The following CYP46A1 variants were observed in gnomAD, a reference collection of about 807,000 sequenced individuals.
CYP46A1 encodes the protein cholesterol 24-hydroxylase.
A neutral mutation model predicts 63.3 loss-of-function variants in CYP46A1; 20 were observed. That is an observed-to-expected ratio of 0.32 (90% CI 0.22 to 0.46). The LOEUF (loss-of-function observed/expected upper bound fraction) is 0.46. Among genes scored for constraint, CYP46A1 ranks in the 20% least tolerant of loss-of-function variants. The probability of loss-of-function intolerance (pLI) is 1.00; values close to 1 mark genes in which losing one functional copy is unlikely to be tolerated. For missense variants in CYP46A1, 445 were observed against 670.8 expected, an observed-to-expected ratio of 0.66 and a Z score of 3.72; for synonymous variants, 268 against 273.6, an observed-to-expected ratio of 0.98 and a Z score of 0.20.
At position 99,691,783 on chromosome 14, in the gene CYP46A1, T is replaced by C; in HGVS notation, c.204T>C (p.Ala68=). The C allele has an allele frequency of 6.2e-7, 1 of 1,614,214 alleles. No individual in the cohort carries two copies. The highest frequency in any genetic ancestry group is 8.5e-7 in the Non-Finnish European group (1 of 1,180,030). The stretch of plus-strand genomic sequence containing the variant: ...TTCGGGTCACTTTGGTTTCCAGGGC[T>C]AAGAAGTATGGACCTGTTGTGCGGG... ...RVLQDVFLDW[A]KKYGPVVRVN... is the part of the protein sequence containing the mutation. The change falls in exon 3 of 15, where the codon GCT becomes GCC. Residue 68 remains alanine (A), a synonymous_variant. Transcript: ENST00000261835.
intron 3 of CYP46A1, among the ~76,000 whole-genome samples, chr14:99,694,371 C>CTTTT (rs74872295): frequency 1.2e-5 from 1 of 86,300 alleles, no homozygotes; most frequent in African/African-American, 4.3e-5. Context: ...TTTGGGTTTT[C>CTTTT]TTTTTTTTTT....
At chr14:99,703,957 A>G in intron 5 of CYP46A1, 2 of 863,856 alleles carry the variant, frequency 2.3e-6, no homozygotes, top group Non-Finnish European at 2.8e-6. Flanking sequence ...CCAGGGTTGC[A>G]AAGGCCAGCC....
rs1423364040 is a variant in CYP46A1, at chr14:99,716,038, C to CT, written c.844+79dup. On this transcript the variant is annotated intron_variant, in intron 8 of 14. Transcript: ENST00000261835. ...CCCAGGTGATACATCGCCACTGACT[C>CT]TGTTTGGCTTAAGAGGAGAAACACA... is the stretch of plus-strand genomic sequence containing the variant. 3.7e-6 allele frequency: 6 copies of CT among 1,608,272 alleles called. No individual in the cohort carries two copies. The Admixed American group carries it at 5.0e-5, about 13-fold the overall frequency.
At chr14:99,699,034 A>C (rs1170706852) in intron 3 of CYP46A1, among the ~76,000 whole-genome samples, 1 of 151,970 alleles carries the variant, frequency 6.6e-6, no homozygotes, top group Non-Finnish European at 1.5e-5. Context: ...GCCCGGCTTG[A>C]GTGCATGCTA....
intron 3 of CYP46A1, among the ~76,000 whole-genome samples, chr14:99,692,432 G>C (rs576146118): frequency 6.6e-6 from 1 of 152,100 alleles, no homozygotes; most frequent in Non-Finnish European, 1.5e-5. Flanking sequence ...CCAGCTACTC[G>C]GGAGGCTGAG....
intron 10 of CYP46A1, among the ~76,000 whole-genome samples, chr14:99,719,806 G>A (rs112696674): frequency 0.018 from 2,564 of 145,864 alleles, 81 homozygotes; most frequent in African/African-American, 0.062. Flanking sequence ...CTGTCGCCCA[G>A]GCTGCAGTGC....
chr14:99,685,097 CA>C (rs142764505), intron 1 of CYP46A1, among the ~76,000 whole-genome samples: 6,303 of 14,134 alleles, frequency 0.45, 1,000 homozygotes, highest in East Asian at 0.56. Flanking sequence ...AACCCCCCCC[CA>C]CCCCCAGCTT....
intron 5 of CYP46A1, among the ~76,000 whole-genome samples, chr14:99,701,243 A>G (rs1048640618): frequency 1.3e-5 from 2 of 152,202 alleles, no homozygotes; most frequent in Admixed American, 6.5e-5. Context: ...TCTGGTTTTT[A>G]TAAGTCTACA....
intron 5 of CYP46A1, chr14:99,703,725 C>T: frequency 1.0e-6 from 1 of 955,134 alleles, no homozygotes; most frequent in Non-Finnish European, 1.2e-6. Context: ...CTCACTAGAC[C>T]ACGGATCCCT....
chr14:99,684,494 C>G lies in CYP46A1; in HGVS notation c.77C>G (p.Ala26Gly). Residue 26 changes from alanine to glycine, a missense_variant, in exon 1 of 15, where the codon GCT becomes GGT. Around this residue, in one of 4 missense-constraint regions of CYP46A1, gnomAD observed 252 missense variants for 383.3 expected, o/e 0.66. Coordinates refer to ENST00000261835, the MANE Select transcript of CYP46A1 (RefSeq NM_006668.2). ...FGLCCTFVHR[A>G]RSRYEHIPGP... Reference sequence around the variant, plus strand: ...CTCTGCTGCACCTTCGTGCACCGCGCTCGCAGCCGCTACGAGCACATCCCC... The same window carrying G: ...CTCTGCTGCACCTTCGTGCACCGCGGTCGCAGCCGCTACGAGCACATCCCC... 1 of 1,481,248 alleles carries G rather than the reference C, an allele frequency of 6.8e-7. No individual in the cohort carries two copies. Among genetic ancestry groups the G allele is most frequent in the Non-Finnish European group, 8.9e-7 (1 of 1,122,014 alleles). The allele number at this position is 1,481,248 out of a possible 1,614,324, so 91.8% of individuals were successfully genotyped here. A position where few individuals can be genotyped will look rare whatever the true frequency, so the allele number is the denominator to read the frequency against.
chr14:99,696,267 TATTGATTG>T (rs1322793803), intron 3 of CYP46A1, among the ~76,000 whole-genome samples: 1 of 152,154 alleles, frequency 6.6e-6, no homozygotes, highest in Admixed American at 6.5e-5. Flanking sequence ...ACTATTGTCT[TATTGATTG>T]ATTGATTGAT....
chr14:99,721,742 G>A (rs984363182), intron 11 of CYP46A1, among the ~76,000 whole-genome samples: 7 of 151,996 alleles, frequency 4.6e-5, no homozygotes, highest in Non-Finnish European at 8.8e-5. Context: ...TGCCATTGTG[G>A]CCTTGCACAC....
In CYP46A1 at chr14:99,715,979, C is replaced by T. The variant is rs758241151; in HGVS notation, c.844+19C>T. 61 of 594,698 alleles carry T rather than the reference C, an allele frequency of 1.0e-4. No individual in the cohort carries two copies. The highest frequency in any genetic ancestry group is 8.5e-4 in the Admixed American group (42 of 49,384). The allele number at this position is 594,698 out of a possible 1,614,324, so 36.8% of individuals were successfully genotyped here. On this transcript the variant is annotated intron_variant, in intron 8 of 14. Transcript: ENST00000261835. ...CTGAAAGGTGCAAGGGCCCCCTCTG[C>T]GGACTGGGGAGGGCGGGGTGGGCCA... is the stretch of plus-strand genomic sequence containing the variant.
Position 99,695,088 on chromosome 14 carries a change from G to A in CYP46A1, c.282+3227G>A, listed in dbSNP as rs565399358. Reference sequence around the variant, plus strand: ...TATGTTATTCAATTTTTAAATATTAGGGGATATTCTAGATATCTTTCTGTT... The same window carrying A: ...TATGTTATTCAATTTTTAAATATTAAGGGATATTCTAGATATCTTTCTGTT... On this transcript the variant is annotated intron_variant, in intron 3 of 14. Transcript: ENST00000261835. Among the ~76,000 whole-genome samples the A allele has an allele frequency of 9.9e-5, 15 of 152,222 alleles. No homozygotes were observed. In the East Asian group the frequency reaches 2.5e-3, roughly 25 times the overall value.
intron 10 of CYP46A1, 52 bp from the exon 11 acceptor site, chr14:99,721,187 G>A (rs1243474973): frequency 1.4e-5 from 19 of 1,389,836 alleles, no homozygotes; most frequent in Non-Finnish European, 1.8e-5. Flanking sequence ...AGCTAAGTAA[G>A]TCGGGGACAG....
rs765218061 is a variant in CYP46A1 at position 99,684,386 on chromosome 14, G to A, written c.-32G>A. ...TCCCGGCCCCCTCGGCGCCCGGCCC[G>A]ACCCTGGCCTGGCCTGCCCTGCCCC... On this transcript the variant is annotated 5_prime_UTR_variant, in exon 1 of 15. Coordinates refer to ENST00000261835, the MANE Select transcript of CYP46A1 (RefSeq NM_006668.2). 10 of 1,308,812 alleles carry A rather than the reference G, an allele frequency of 7.6e-6. No homozygotes were observed. The highest frequency in any genetic ancestry group is 2.9e-4 in the Middle Eastern group (1 of 3,476). 81.1% of individuals were successfully genotyped at this position (1,308,812 alleles called of 1,614,324 possible). A position where few individuals can be genotyped will look rare whatever the true frequency, so the allele number is the denominator to read the frequency against.
rs764349352 is a variant in CYP46A1, at chr14:99,706,637, G to C, written c.444-10G>C. 1 of 1,613,594 alleles carries C rather than the reference G, an allele frequency of 6.2e-7. No homozygotes were observed. Among genetic ancestry groups the C allele is most frequent in the Admixed American group, 1.7e-5 (1 of 60,018 alleles). On this transcript the variant is annotated splice_polypyrimidine_tract_variant and intron_variant, in intron 5 of 14. Transcript: ENST00000261835. Reference sequence around the variant, plus strand: ...GCCAGTGGCCGTTGATGCCTGTGCTGTTTCTCCAGCTCCTTGGTTAGCTTA... The same window carrying C: ...GCCAGTGGCCGTTGATGCCTGTGCTCTTTCTCCAGCTCCTTGGTTAGCTTA...
At chr14:99,696,800 G>A (rs2056590645) in intron 3 of CYP46A1, among the ~76,000 whole-genome samples, 1 of 152,154 alleles carries the variant, frequency 6.6e-6, no homozygotes, top group Admixed American at 6.5e-5. Flanking sequence ...ACTGGACATT[G>A]TGAATTTTAC....
At chr14:99,691,029 G>A (rs1194490696) in intron 1 of CYP46A1, 52 bp from the exon 2 acceptor site, 3 of 1,550,538 alleles carry the variant, frequency 1.9e-6, no homozygotes, top group Admixed American at 3.3e-5. Context: ...GGGGAAGGGA[G>A]CGTTCTTTCC....
Sources: gnomAD v4.1 joint callset for allele counts (sites outside exome capture counted in the v4.1 genomes callset) on GRCh38, gnomAD v4.1.1 for gene constraint, gnomAD v4.1.1 regional missense constraint, MANE v1.5 for transcripts, NCBI Gene and HGNC (gene_info 2026-07-23, HGNC 2026-07-21) for gene names.